The following ST7 variants were observed in gnomAD, a reference collection of about 807,000 sequenced individuals.
The protein encoded by ST7 is suppression of tumorigenicity 7.
In ST7, 28 loss-of-function variants were observed where a neutral mutation model predicts 78.7. The ratio of observed to expected loss-of-function variants is 0.36; its 90% confidence interval spans 0.26 to 0.49. The LOEUF is 0.49. Among genes scored for constraint, ST7 ranks in the 20% least tolerant of loss-of-function variants. The pLI is 0.99. For synonymous variants in ST7, 247 were observed against 249.6 expected (o/e 0.99, Z 0.10); for missense variants, 418 against 696.0 (o/e 0.60, Z 4.49).
intron 1 of ST7, chr7:116,972,359 A>G (rs1217851648): frequency 9.5e-6 from 6 of 629,120 alleles, no homozygotes; most frequent in Non-Finnish European, 1.7e-5. Flanking sequence ...TCTTTCTCAT[A>G]TTTGTCTTCT....
chr7:117,110,341 A>G (rs929665981), intron 2 of ST7, among the ~76,000 whole-genome samples: 1 of 152,202 alleles, frequency 6.6e-6, no homozygotes. Flanking sequence ...CTCCTCTCAG[A>G]GGAGGGTCAC....
chr7:117,031,163 A>G (rs1340094302), intron 1 of ST7, among the ~76,000 whole-genome samples: 1 of 152,104 alleles, frequency 6.6e-6, no homozygotes, highest in East Asian at 1.9e-4. Context: ...AAATTGGGTA[A>G]TAACAAACAC....
At chr7:116,969,851 G>A (rs958944663) in intron 1 of ST7, among the ~76,000 whole-genome samples, 13 of 152,282 alleles carry the variant, frequency 8.5e-5, no homozygotes, top group Middle Eastern at 6.8e-3. Flanking sequence ...CAAGGTGGGC[G>A]GATCACCTGA....
At chr7:116,972,497 C>G in intron 1 of ST7, 1 of 956,898 alleles carries the variant, frequency 1.0e-6, no homozygotes, top group Non-Finnish European at 1.7e-6. Flanking sequence ...CGTTCCAAGT[C>G]TCTTTCAATG....
intron 1 of ST7, among the ~76,000 whole-genome samples, chr7:117,060,985 G>A (rs754209336): frequency 6.6e-5 from 10 of 152,110 alleles, no homozygotes; most frequent in African/African-American, 2.2e-4. Flanking sequence ...CAGCCTGGGC[G>A]GCAGAGTGAG....
At chr7:117,082,669 C>T (rs1053965447) in intron 1 of ST7, among the ~76,000 whole-genome samples, 1 of 152,184 alleles carries the variant, frequency 6.6e-6, no homozygotes, top group African/African-American at 2.4e-5. Context: ...ACCAGAGAAG[C>T]ATTGCTTTTA....
chr7:117,020,457 A>G, intron 1 of ST7: 1 of 835,356 alleles, frequency 1.2e-6, no homozygotes, highest in Non-Finnish European at 1.8e-6. Context: ...GCAGCTGGAC[A>G]CAGCTTGGAC....
chr7:116,997,727 G>A (rs978153750), intron 1 of ST7, among the ~76,000 whole-genome samples: 1 of 152,218 alleles, frequency 6.6e-6, no homozygotes, highest in African/African-American at 2.4e-5. Context: ...GCTAGACACA[G>A]AGTGCTGATT....
intron 1 of ST7, chr7:116,967,308 A>G (rs1326288782): frequency 4.2e-6 from 2 of 471,056 alleles, no homozygotes; most frequent in African/African-American, 2.0e-5. Flanking sequence ...GGTGGTGGCC[A>G]TTAATGACCA....
intron 1 of ST7, among the ~76,000 whole-genome samples, chr7:116,967,118 C>CTT (rs35773173): frequency 0.027 from 3,727 of 139,436 alleles, 150 homozygotes; most frequent in African/African-American, 0.088. Context: ...TTCTATCACT[C>CTT]TTTTTTTTTT....
chr7:117,048,358 G>A (rs557188033), intron 1 of ST7, among the ~76,000 whole-genome samples: 9 of 152,202 alleles, frequency 5.9e-5, no homozygotes, highest in African/African-American at 2.2e-4. Flanking sequence ...TTCAGCGTCT[G>A]GATCATAGAA....
chr7:117,196,034 T>C (rs1810275686), intron 12 of ST7, among the ~76,000 whole-genome samples: 1 of 152,232 alleles, frequency 6.6e-6, no homozygotes, highest in Admixed American at 6.5e-5. Flanking sequence ...CGTGACTGGC[T>C]TATTTTAGTT....
At chr7:117,008,538 G>C (rs1267435280) in intron 1 of ST7, among the ~76,000 whole-genome samples, 6 of 152,172 alleles carry the variant, frequency 3.9e-5, no homozygotes, top group Non-Finnish European at 8.8e-5. Context: ...GTGGATTGGA[G>C]GTATGTGGTT....
chr7:116,962,903 T>C (rs1187654025), intron 1 of ST7, among the ~76,000 whole-genome samples: 2 of 152,240 alleles, frequency 1.3e-5, no homozygotes, highest in East Asian at 3.9e-4. Flanking sequence ...GTGGTTGAGA[T>C]AGTTACTGAC....
chr7:116,990,622 G>C (rs1413415084), intron 1 of ST7, among the ~76,000 whole-genome samples: 1 of 152,062 alleles, frequency 6.6e-6, no homozygotes, highest in Non-Finnish European at 1.5e-5. Flanking sequence ...CTTTCCTTTA[G>C]AAAGCTGCAT....
chr7:117,065,358 G>A lies in ST7; in HGVS notation c.152-34404G>A, dbSNP rs559486256. 6.5e-4 allele frequency among the ~76,000 whole-genome samples: 99 copies of A among 152,048 alleles called. 2 individuals carry two copies. In the South Asian group the frequency reaches 0.016, roughly 24 times the overall value. Reference sequence around the variant, plus strand: ...CGGGTAGCTGGGATTACAGGCACCCGCCACCATGCCCGGCTAATTTTTTTG... The same window carrying A: ...CGGGTAGCTGGGATTACAGGCACCCACCACCATGCCCGGCTAATTTTTTTG... On this transcript the variant is annotated intron_variant, in intron 1 of 15. Coordinates refer to ENST00000323984, the MANE Select transcript of ST7 (RefSeq NM_001369598.1).
chr7:117,179,512 G>A (rs1808586152), intron 10 of ST7, among the ~76,000 whole-genome samples: 1 of 152,198 alleles, frequency 6.6e-6, no homozygotes, highest in Non-Finnish European at 1.5e-5. Flanking sequence ...AGGAGTGACG[G>A]GAGTCTTCCC....
chr7:117,082,913 T>C (rs1799891957), intron 1 of ST7, among the ~76,000 whole-genome samples: 1 of 152,250 alleles, frequency 6.6e-6, no homozygotes, highest in African/African-American at 2.4e-5. Context: ...ATCCCTGATG[T>C]AGACAGGTCT....
rs541942763 is a variant in ST7, at chr7:117,173,904, C to T, written c.1078+2928C>T. On this transcript the variant is annotated intron_variant, in intron 10 of 15. Coordinates refer to ENST00000323984, the MANE Select transcript of ST7 (RefSeq NM_001369598.1). ...TTTTCAAAAAGATTTAGAAAAATGG[C>T]AAGGCACTGGGGGCCAGGGATGGGG... Among the ~76,000 whole-genome samples, 9 of 151,742 alleles carry T rather than the reference C, an allele frequency of 5.9e-5. No homozygotes were observed. The South Asian group carries it at 1.9e-3, about 32-fold the overall frequency.
Sources: gnomAD v4.1 joint callset for allele counts (sites outside exome capture counted in the v4.1 genomes callset) on GRCh38, gnomAD v4.1.1 for gene constraint, MANE v1.5 for transcripts, NCBI Gene and HGNC (gene_info 2026-07-23, HGNC 2026-07-21) for gene names.